The following APBA1 variants were observed in gnomAD, a reference collection of about 807,000 sequenced individuals.
APBA1 encodes amyloid beta precursor protein binding family A member 1.
In APBA1, 55 loss-of-function variants were observed where a neutral mutation model predicts 86.6. That is an observed-to-expected ratio of 0.64 (90% CI 0.51 to 0.80). The LOEUF is 0.80. Among genes scored for constraint, APBA1 ranks in the 30% least tolerant of loss-of-function variants. APBA1 has a pLI of 0.00. For missense variants in APBA1, 1,090 were observed against 1,183.0 expected (o/e 0.92, Z 1.15); for synonymous variants, 511 against 493.9 (o/e 1.03, Z -0.46).
rs1251653171 is a variant in APBA1 at position 69,516,082 on chromosome 9, G to C, written c.1129C>G (p.Pro377Ala). 7.4e-6 allele frequency: 12 copies of C among 1,612,610 alleles called. No homozygotes were observed. Among genetic ancestry groups the C allele is most frequent in the Non-Finnish European group, 1.0e-5 (12 of 1,179,248 alleles). ...ATGTCCTGGCGCATGACCCAGATGG[G>C]CTCTTTGGGCTCGTCGGGGGTGTAA... ...SPYTPDEPKE[P>A]IWVMRQDISP... The change falls in exon 2 of 13, where the codon CCC (proline) becomes GCC (alanine). Residue 377 changes from proline to alanine, a missense_variant. By Grantham distance (27) the Pro-to-Ala change is conservative. Around this residue, in one of 6 missense-constraint regions of APBA1, gnomAD observed 678 missense variants for 647.1 expected, o/e 1.05. Transcript: ENST00000265381. The surrounding 1 kb of genome is among the most constrained non-coding windows in gnomAD (Gnocchi z 7.3).
At chr9:69,598,318 G>GAT (rs1296997882) in intron 1 of APBA1, among the ~76,000 whole-genome samples, 1 of 152,082 alleles carries the variant, frequency 6.6e-6, no homozygotes, top group Non-Finnish European at 1.5e-5. Flanking sequence ...AGCATTGGGA[G>GAT]ATATACCTAA....
intron 1 of APBA1, among the ~76,000 whole-genome samples, chr9:69,602,154 T>C (rs1041140070): frequency 6.6e-6 from 1 of 152,252 alleles, no homozygotes; most frequent in Non-Finnish European, 1.5e-5. Flanking sequence ...AAGTGAGATA[T>C]AATTAACATT....
chr9:69,547,559 G>C (rs916263302), intron 1 of APBA1, among the ~76,000 whole-genome samples: 2 of 152,126 alleles, frequency 1.3e-5, no homozygotes, highest in African/African-American at 4.8e-5. Flanking sequence ...ATAAAATCTG[G>C]GTTCTCTTAG....
intron 2 of APBA1, among the ~76,000 whole-genome samples, chr9:69,490,775 C>T (rs1041049414): frequency 2.6e-5 from 4 of 151,940 alleles, no homozygotes; most frequent in African/African-American, 9.7e-5. Flanking sequence ...GCAAACAACC[C>T]CATCAAAAAG....
chr9:69,451,462 C>T (rs1047923262), intron 9 of APBA1, among the ~76,000 whole-genome samples: 3 of 152,208 alleles, frequency 2.0e-5, no homozygotes, highest in African/African-American at 7.2e-5. Context: ...CCAGTTCTGA[C>T]CCAGATCTCA....
At chr9:69,471,761 T>G (rs1564045113) in intron 3 of APBA1, 66 bp from the exon 4 acceptor site, 2 of 1,263,400 alleles carry the variant, frequency 1.6e-6, no homozygotes, top group Non-Finnish European at 2.3e-6. Context: ...AACACAATCA[T>G]CCATGCAACA....
intron 1 of APBA1, among the ~76,000 whole-genome samples, chr9:69,653,537 T>C (rs1823550229): frequency 6.6e-6 from 1 of 152,194 alleles, no homozygotes; most frequent in Non-Finnish European, 1.5e-5. Context: ...TGAAGTATTT[T>C]CCAGGATAGA....
chr9:69,652,627 A>G (rs568249118), intron 1 of APBA1, among the ~76,000 whole-genome samples: 2 of 152,364 alleles, frequency 1.3e-5, no homozygotes, highest in African/African-American at 4.8e-5. Context: ...TTATCTGTCA[A>G]TAATAACCTT....
Position 69,432,545 on chromosome 9 carries a change from A to G in APBA1, c.2433T>C (p.Ala811=), listed in dbSNP as rs1356055916. 13 of 1,560,868 alleles carry G rather than the reference A, an allele frequency of 8.3e-6. No individual in the cohort carries two copies. Among genetic ancestry groups the G allele is most frequent in the Admixed American group, 1.8e-5 (1 of 54,614 alleles). Reference sequence around the variant, plus strand: ...CCCGGACCTCTCCTACCTCCCCAACAGCATTGGAGAGAATGTGGACGATCT... The same window carrying G: ...CCCGGACCTCTCCTACCTCCCCAACGGCATTGGAGAGAATGTGGACGATCT... ...HEKIVHILSN[A]VGEIHMKTMP... Residue 811 remains alanine, a synonymous_variant, in exon 12 of 13, where the codon GCT becomes GCC. Coordinates refer to ENST00000265381, the MANE Select transcript of APBA1 (RefSeq NM_001163.4).
At chr9:69,511,935 AG>A (rs1836052326) in intron 2 of APBA1, among the ~76,000 whole-genome samples, 1 of 116,046 alleles carries the variant, frequency 8.6e-6, no homozygotes, top group Non-Finnish European at 1.8e-5. Flanking sequence ...GGGTGGGGGT[AG>A]GGGGGAGGGA....
chr9:69,587,068 A>G (rs1334409347), intron 1 of APBA1, among the ~76,000 whole-genome samples: 1 of 152,226 alleles, frequency 6.6e-6, no homozygotes, highest in Non-Finnish European at 1.5e-5. Flanking sequence ...ATGCTGTTGT[A>G]GTGAACATTT....
chr9:69,650,789 C>G (rs2134015721), intron 1 of APBA1, among the ~76,000 whole-genome samples: 1 of 152,300 alleles, frequency 6.6e-6, no homozygotes, highest in Non-Finnish European at 1.5e-5. Flanking sequence ...ATACATACAT[C>G]TATCCTTGAA....
At chr9:69,611,285 G>GAAAAAAAAAAAAAAAAAAAAA (rs56357426) in intron 1 of APBA1, among the ~76,000 whole-genome samples, 2 of 111,912 alleles carry the variant, frequency 1.8e-5, no homozygotes, top group Non-Finnish European at 3.5e-5. Context: ...ACCAGAAAAG[G>GAAAAAAAAAAAAAAAAAAAAA]AAAAAAAAAA....
intron 1 of APBA1, among the ~76,000 whole-genome samples, chr9:69,669,608 T>G (rs1823908815): frequency 6.6e-6 from 1 of 152,070 alleles, no homozygotes; most frequent in Non-Finnish European, 1.5e-5. Context: ...AGACTCTATC[T>G]CTGAAAAAAA....
intron 9 of APBA1, among the ~76,000 whole-genome samples, chr9:69,450,151 T>C (rs1011346801): frequency 6.6e-6 from 1 of 151,090 alleles, no homozygotes; most frequent in African/African-American, 2.4e-5. Context: ...TTATGGTTTC[T>C]AGAAATAGCT....
intron 1 of APBA1, among the ~76,000 whole-genome samples, chr9:69,655,968 T>C (rs1166118809): frequency 8.5e-5 from 13 of 152,240 alleles, no homozygotes; most frequent in Non-Finnish European, 1.0e-4. Context: ...ATTTGATGAT[T>C]ATACAATGTG....
intron 1 of APBA1, among the ~76,000 whole-genome samples, chr9:69,543,268 C>G (rs2133920259): frequency 3.9e-5 from 2 of 51,286 alleles, no homozygotes; most frequent in African/African-American, 7.1e-5. Flanking sequence ...CCCTGCTGTG[C>G]TGGGATTTCC....
At chr9:69,637,806 T>C (rs978879308) in intron 1 of APBA1, among the ~76,000 whole-genome samples, 3 of 152,192 alleles carry the variant, frequency 2.0e-5, no homozygotes, top group African/African-American at 7.2e-5. Context: ...AAAATAAATG[T>C]TGAAGTTACA....
intron 1 of APBA1, among the ~76,000 whole-genome samples, chr9:69,658,177 G>A (rs1192658512): frequency 6.6e-6 from 1 of 152,178 alleles, no homozygotes; most frequent in Non-Finnish European, 1.5e-5. Flanking sequence ...TTACCCTGTA[G>A]AGAGGCCTGC....
Sources: gnomAD v4.1 joint callset for allele counts (sites outside exome capture counted in the v4.1 genomes callset) on GRCh38, gnomAD v4.1.1 for gene constraint, gnomAD v4.1.1 regional missense constraint, Gnocchi (gnomAD v3.1) non-coding constraint, MANE v1.5 for transcripts, NCBI Gene and HGNC (gene_info 2026-07-23, HGNC 2026-07-21) for gene names.